Variants in MMP17 observed in about 807,000 individuals in gnomAD.
MMP17 encodes matrix metallopeptidase 17, also known as matrix metalloproteinase-17.
Under a neutral mutation model 49.1 loss-of-function variants are expected in MMP17, and 54 were observed. That is an observed-to-expected ratio of 1.10 (90% CI 0.88 to 1.38). The LOEUF is 1.38. Ranked by LOEUF, MMP17 falls within the 40% of genes most tolerant of loss-of-function variation. The probability of loss-of-function intolerance (pLI) is 0.00; values close to 1 mark genes in which losing one functional copy is unlikely to be tolerated. For missense variants in MMP17, 837 were observed against 853.7 expected (o/e 0.98, Z 0.24); for synonymous variants, 397 against 383.1 (o/e 1.04, Z -0.42).
At chr12:131,839,245 C>T (rs1010564428) in intron 3 of MMP17, among the ~76,000 whole-genome samples, 1 of 152,110 alleles carries the variant, frequency 6.6e-6, no homozygotes, top group East Asian at 1.9e-4. Flanking sequence ...GGATGCTCCT[C>T]GGATTTAGGG....
intron 6 of MMP17, chr12:131,844,838 G>A (rs1307598510): frequency 2.3e-6 from 1 of 443,838 alleles, no homozygotes; most frequent in African/African-American, 2.0e-5. Context: ...CACCCAGCCA[G>A]GCCCAGGGTG....
At chr12:131,838,153 G>A (rs776189095) in intron 1 of MMP17, 42 bp from the exon 2 acceptor site, 81 of 1,569,276 alleles carry the variant, frequency 5.2e-5, no homozygotes, top group Middle Eastern at 2.0e-4. Context: ...GGGTAGGACC[G>A]GGCCCTCTGT....
chr12:131,837,830 C>T (rs1422284355), intron 1 of MMP17, among the ~76,000 whole-genome samples: 2 of 152,220 alleles, frequency 1.3e-5, no homozygotes, highest in Admixed American at 1.3e-4. Flanking sequence ...CCTGCCTCAG[C>T]CTCCCGAGTA....
chr12:131,837,772 A>G (rs761974843), intron 1 of MMP17, among the ~76,000 whole-genome samples: 29 of 152,214 alleles, frequency 1.9e-4, no homozygotes, highest in African/African-American at 4.6e-4. Context: ...GTGCAGTGGC[A>G]CGATCTCGGC....
At chr12:131,843,013 T>G (rs1205089331) in intron 5 of MMP17, among the ~76,000 whole-genome samples, 1 of 152,100 alleles carries the variant, frequency 6.6e-6, no homozygotes, top group Non-Finnish European at 1.5e-5. Flanking sequence ...TCTTTTTTTT[T>G]GAGATGGAGT....
intron 9 of MMP17, 141 bp downstream of exon 9, chr12:131,850,200 C>A: frequency 8.2e-7 from 1 of 1,214,932 alleles, no homozygotes; most frequent in Non-Finnish European, 1.1e-6. Flanking sequence ...AGCCCCTCGC[C>A]TGGAGCTGCC....
chr12:131,848,793 G>A lies in MMP17; in HGVS notation c.1205-1009G>A, dbSNP rs562700551. Reference sequence around the variant, plus strand: ...GAGGCTGAGCGGCATTCCATGGCACGGACGGACTGCACCTCGTTCGCCTGC... The same window carrying A: ...GAGGCTGAGCGGCATTCCATGGCACAGACGGACTGCACCTCGTTCGCCTGC... On this transcript the variant is annotated intron_variant, in intron 8 of 9. Coordinates refer to ENST00000360564, the MANE Select transcript of MMP17 (RefSeq NM_016155.7). 4.9e-4 allele frequency among the ~76,000 whole-genome samples: 74 copies of A among 152,320 alleles called. 1 individual carries two copies. Among genetic ancestry groups the A allele is most frequent in the South Asian group, 1.9e-3 (9 of 4,828 alleles).
intron 1 of MMP17, among the ~76,000 whole-genome samples, chr12:131,829,425 G>A (rs1308071661): frequency 6.6e-6 from 1 of 152,236 alleles, no homozygotes; most frequent in African/African-American, 2.4e-5. Context: ...TGTGGACCCG[G>A]AAGATTTAGA....
chr12:131,838,168 C>A, intron 1 of MMP17, 27 bp from the exon 2 acceptor site: 1 of 1,584,558 alleles, frequency 6.3e-7, no homozygotes, highest in Non-Finnish European at 8.6e-7. Context: ...CTCTGTTGCA[C>A]CCCCTCACCC....
Position 131,840,817 on chromosome 12 carries a change from C to G in MMP17, c.667C>G (p.His223Asp). The change falls in exon 4 of 10, where the codon CAC becomes GAC. Residue 223 changes from histidine (H) to aspartate (D), a missense_variant. His to Asp is a moderately conservative substitution (Grantham distance 81). Coordinates refer to ENST00000360564, the MANE Select transcript of MMP17 (RefSeq NM_016155.7). ...PGHHHTAGDTHFDDDEAWTFR... is the reference protein window; with the variant it reads ...PGHHHTAGDTDFDDDEAWTFR... Reference sequence around the variant, plus strand: ...CCACCACCACACCGCCGGGGACACCCACTTTGACGATGACGAGGCCTGGAC... The same window carrying G: ...CCACCACCACACCGCCGGGGACACCGACTTTGACGATGACGAGGCCTGGAC... The G allele has an allele frequency of 6.2e-7, 1 of 1,607,132 alleles. No homozygotes were observed. Among genetic ancestry groups the G allele is most frequent in the Non-Finnish European group, 8.5e-7 (1 of 1,179,524 alleles).
intron 5 of MMP17, 25 bp downstream of exon 5, chr12:131,841,825 A>G: frequency 6.5e-7 from 1 of 1,543,102 alleles, no homozygotes; most frequent in Non-Finnish European, 8.7e-7. Context: ...GAAGCCAGAC[A>G]CAGGGCCCCT....
chr12:131,841,363 A>G (rs1261486440), intron 4 of MMP17, among the ~76,000 whole-genome samples: 7 of 152,224 alleles, frequency 4.6e-5, no homozygotes, highest in African/African-American at 1.7e-4. Context: ...ACAAGGTGTT[A>G]TCTGTGTGGC....
intron 8 of MMP17, 129 bp from the exon 9 acceptor site, chr12:131,849,673 C>T (rs572376658): frequency 1.7e-4 from 173 of 1,016,816 alleles, no homozygotes; most frequent in South Asian, 2.4e-4. Context: ...GCAGTGTGGC[C>T]GCTGTCCCAT....
At chr12:131,850,275 C>T (rs772048961) in intron 9 of MMP17, among the ~76,000 whole-genome samples, 4 of 152,282 alleles carry the variant, frequency 2.6e-5, no homozygotes, top group East Asian at 3.9e-4. Flanking sequence ...TTGTTCTCCC[C>T]GCCCTCAGCA....
intron 1 of MMP17, among the ~76,000 whole-genome samples, chr12:131,832,470 A>T (rs1886875232): frequency 6.6e-6 from 1 of 151,944 alleles, no homozygotes; most frequent in Non-Finnish European, 1.5e-5. Flanking sequence ...TTCCAGGGGC[A>T]CTTTGCGCAT....
chr12:131,847,150 C>A (rs181048103), intron 8 of MMP17, among the ~76,000 whole-genome samples: 2 of 151,140 alleles, frequency 1.3e-5, no homozygotes, highest in East Asian at 1.9e-4. Context: ...CAGTGGCTCA[C>A]GCCTGCAATC....
intron 1 of MMP17, among the ~76,000 whole-genome samples, chr12:131,833,592 C>G (rs144455406): frequency 0.026 from 3,939 of 152,358 alleles, 72 homozygotes; most frequent in Middle Eastern, 0.082. Context: ...GACCACACCA[C>G]AGCTCCATCA....
At chr12:131,850,425 G>C (rs1887915164) in intron 9 of MMP17, among the ~76,000 whole-genome samples, 1 of 152,152 alleles carries the variant, frequency 6.6e-6, no homozygotes, top group Admixed American at 6.5e-5. Context: ...ACGCCCTCCT[G>C]GGCATCACCC....
chr12:131,831,799 G>A (rs1378860909), intron 1 of MMP17, among the ~76,000 whole-genome samples: 3 of 119,776 alleles, frequency 2.5e-5, no homozygotes, highest in African/African-American at 6.8e-5. Context: ...ATGGTTCAGG[G>A]ACAGGAAGGG....
Sources: allele counts gnomAD v4.1 joint callset (sites outside exome capture counted in the v4.1 genomes callset), GRCh38; gene constraint gnomAD v4.1.1; transcripts MANE v1.5; gene names NCBI Gene and HGNC (gene_info 2026-07-23, HGNC 2026-07-21).